Variants in PTPRD observed in about 807,000 individuals in gnomAD.
PTPRD encodes receptor-type tyrosine-protein phosphatase delta.
PTPRD carries 34 observed loss-of-function variants against 214.5 expected under a neutral mutation model. The observed-to-expected ratio is 0.16, with a 90% CI of 0.12 to 0.21. The LOEUF is 0.21. PTPRD is among the 10% of genes least tolerant of loss of function. The probability of loss-of-function intolerance (pLI) is 1.00; values close to 1 mark genes in which losing one functional copy is unlikely to be tolerated. For synonymous variants in PTPRD, 1,128 were observed against 845.7 expected (o/e 1.33, Z -5.79); for missense variants, 2,545 against 2,398.7 (o/e 1.06, Z -1.27).
At chr9:9,916,382 C>A (rs1002921443) in intron 5 of PTPRD, among the ~76,000 whole-genome samples, 2 of 151,784 alleles carry the variant, frequency 1.3e-5, no homozygotes, top group Non-Finnish European at 2.9e-5. Flanking sequence ...AAAAAAGGAA[C>A]AAAGGGTATA....
chr9:8,676,422 G>A (rs1254096939), intron 12 of PTPRD, among the ~76,000 whole-genome samples: 1 of 107,054 alleles, frequency 9.3e-6, no homozygotes, highest in African/African-American at 3.7e-5. Flanking sequence ...TTGCTGTGTT[G>A]TCCAGGCTGT....
chr9:9,117,748 A>G (rs940371558), intron 10 of PTPRD, among the ~76,000 whole-genome samples: 14 of 152,106 alleles, frequency 9.2e-5, no homozygotes, highest in South Asian at 2.1e-4. Context: ...GAAAAAAAAT[A>G]TTTCAGAAGA....
intron 3 of PTPRD, among the ~76,000 whole-genome samples, chr9:10,214,429 A>AT (rs35115543): frequency 0.026 from 3,087 of 120,694 alleles, 118 homozygotes; most frequent in African/African-American, 0.073. Context: ...AAGCCCAACT[A>AT]TTTTTTTTTT....
At chr9:9,639,178 G>A (rs887493090) in intron 7 of PTPRD, among the ~76,000 whole-genome samples, 1 of 152,132 alleles carries the variant, frequency 6.6e-6, no homozygotes, top group Non-Finnish European at 1.5e-5. Flanking sequence ...GCAAGCAACA[G>A]CAGCCTAACT....
At chr9:8,683,401 A>T (rs1414127195) in intron 12 of PTPRD, among the ~76,000 whole-genome samples, 1 of 150,884 alleles carries the variant, frequency 6.6e-6, no homozygotes, top group Non-Finnish European at 1.5e-5. Context: ...AAAAAAAAAA[A>T]GTGTATACAT....
intron 3 of PTPRD, among the ~76,000 whole-genome samples, chr9:10,200,876 C>A (rs1003574834): frequency 1.3e-5 from 2 of 151,952 alleles, no homozygotes; most frequent in East Asian, 1.9e-4. Context: ...TAAGAAGAAC[C>A]AGGAAACTAA....
At chr9:9,732,057 A>G (rs951029280) in intron 7 of PTPRD, among the ~76,000 whole-genome samples, 2 of 152,144 alleles carry the variant, frequency 1.3e-5, no homozygotes, top group Non-Finnish European at 2.9e-5. Context: ...CAATATTGAA[A>G]ACAATGAAGA....
chr9:9,461,199 T>TAA (rs35267502), intron 8 of PTPRD, among the ~76,000 whole-genome samples: 20 of 150,812 alleles, frequency 1.3e-4, no homozygotes, highest in Admixed American at 2.0e-4. Context: ...GGGTTGAGGT[T>TAA]AAAAAAAAAC....
At chr9:10,126,185 T>C (rs1301101705) in intron 3 of PTPRD, among the ~76,000 whole-genome samples, 1 of 152,128 alleles carries the variant, frequency 6.6e-6, no homozygotes, top group Non-Finnish European at 1.5e-5. Flanking sequence ...CATACTGTTA[T>C]TACAGTTGAG....
intron 2 of PTPRD, among the ~76,000 whole-genome samples, chr9:10,590,606 T>A (rs920467205): frequency 6.6e-6 from 1 of 152,026 alleles, no homozygotes; most frequent in Non-Finnish European, 1.5e-5. Flanking sequence ...TTGTAAACAC[T>A]ATCTTAGATT....
chr9:9,552,529 T>A (rs576165039), intron 8 of PTPRD, among the ~76,000 whole-genome samples: 1 of 152,180 alleles, frequency 6.6e-6, no homozygotes, highest in East Asian at 1.9e-4. Context: ...TTGTGCCAAT[T>A]TTTAGTGGGA....
At chr9:10,319,762 G>T (rs2096519603) in intron 3 of PTPRD, among the ~76,000 whole-genome samples, 1 of 152,024 alleles carries the variant, frequency 6.6e-6, no homozygotes, top group East Asian at 1.9e-4. Flanking sequence ...TAGCAATAAA[G>T]AGTACTTAAA....
At chr9:8,733,736 C>G (rs768611964) in intron 12 of PTPRD, 44 bp downstream of exon 12, 3 of 1,547,534 alleles carry the variant, frequency 1.9e-6, no homozygotes, top group Non-Finnish European at 2.6e-6. Flanking sequence ...AACAAAACCA[C>G]TCATTATGGT....
intron 10 of PTPRD, among the ~76,000 whole-genome samples, chr9:9,058,034 G>C (rs1025517238): frequency 2.6e-5 from 4 of 152,052 alleles, no homozygotes; most frequent in Non-Finnish European, 4.4e-5. Flanking sequence ...GTTTAGAAAG[G>C]CAATTCTAAA....
At chr9:10,223,869 T>C (rs780835598) in intron 3 of PTPRD, among the ~76,000 whole-genome samples, 60 of 151,396 alleles carry the variant, frequency 4.0e-4, no homozygotes, top group Non-Finnish European at 6.0e-4. Flanking sequence ...AAGAAAAAAA[T>C]AAACAACTTA....
At chr9:10,422,851 T>G (rs2098557570) in intron 2 of PTPRD, among the ~76,000 whole-genome samples, 1 of 152,092 alleles carries the variant, frequency 6.6e-6, no homozygotes, top group African/African-American at 2.4e-5. Context: ...TTTTACACTG[T>G]TGGTGGGAGT....
chr9:10,112,504 T>G (rs1450630255), intron 3 of PTPRD, among the ~76,000 whole-genome samples: 1 of 152,150 alleles, frequency 6.6e-6, no homozygotes, highest in Non-Finnish European at 1.5e-5. Flanking sequence ...GTCACTGCTT[T>G]CTATGAATAT....
intron 15 of PTPRD, chr9:8,528,192 C>T: frequency 2.5e-6 from 1 of 404,838 alleles, no homozygotes; most frequent in Non-Finnish European, 4.3e-6. Context: ...TTAATGGATA[C>T]AACCATTGGA....
intron 2 of PTPRD, among the ~76,000 whole-genome samples, chr9:10,491,533 C>A (rs1033712299): frequency 6.7e-6 from 1 of 149,652 alleles, no homozygotes; most frequent in African/African-American, 2.5e-5. Flanking sequence ...ACAAGATGAA[C>A]AAAAAAAACC....
Sources: allele counts gnomAD v4.1 joint callset (sites outside exome capture counted in the v4.1 genomes callset), GRCh38; gene constraint gnomAD v4.1.1; transcripts MANE v1.5; gene names NCBI Gene and HGNC (gene_info 2026-07-23, HGNC 2026-07-21).